POLRMT: variants seen among roughly 807,000 people sequenced by gnomAD.
The protein encoded by POLRMT is RNA polymerase mitochondrial, also known as DNA-directed RNA polymerase, mitochondrial.
POLRMT carries 114 observed loss-of-function variants against 132.2 expected under a neutral mutation model. The ratio of observed to expected loss-of-function variants is 0.86; its 90% CI spans 0.74 to 1.01. POLRMT has a LOEUF of 1.01. Ranked by LOEUF, POLRMT falls within the 50% of genes least tolerant of loss-of-function variation. The probability of loss-of-function intolerance (pLI) is 0.00; values close to 1 mark genes in which losing one functional copy is unlikely to be tolerated. For missense variants in POLRMT, 2,003 were observed against 1,729.1 expected (o/e 1.16, Z -2.81); for synonymous variants, 1,020 against 773.4 (o/e 1.32, Z -5.29).
chr19:617,992 C>T (rs1400039804), intron 17 of POLRMT, 143 bp from the exon 18 acceptor site: 3 of 683,422 alleles, frequency 4.4e-6, no homozygotes, highest in East Asian at 2.7e-5. Context: ...CCCCTCGCCC[C>T]GCCCCTCCCC....
intron 19 of POLRMT, 42 bp downstream of exon 19, chr19:617,528 T>TC (rs1984078694): frequency 1.8e-6 from 2 of 1,136,038 alleles, no homozygotes; most frequent in Non-Finnish European, 2.5e-6. Flanking sequence ...GGTTTTGGGG[T>TC]GGGGGGGGAA....
intron 10 of POLRMT, among the ~76,000 whole-genome samples, chr19:620,714 G>A (rs974948464): frequency 6.9e-6 from 1 of 145,530 alleles, no homozygotes; most frequent in African/African-American, 2.6e-5. Context: ...CGTGTCCGGA[G>A]CTGCCGGGGG....
Position 633,496 on chromosome 19 carries a change from C to A in POLRMT, c.17G>T (p.Trp6Leu). 6.9e-7 allele frequency: 1 copy of A among 1,445,298 alleles called. No homozygotes were observed. The highest frequency in any genetic ancestry group is 9.4e-7 in the Non-Finnish European group (1 of 1,058,292). The allele number at this position is 1,445,298 out of a possible 1,614,324, so 89.5% of individuals were successfully genotyped here. A position where few individuals can be genotyped will look rare whatever the true frequency, so the allele number is the denominator to read the frequency against. MSALC[W>L]GRGAAGLKRA... Reference sequence around the variant, plus strand: ...TTTGAGCCCCGCCGCTCCGCGGCCCCAGCAAAGTGCCGACATTACGCACGC... The same window carrying A: ...TTTGAGCCCCGCCGCTCCGCGGCCCAAGCAAAGTGCCGACATTACGCACGC... Residue 6 changes from tryptophan to leucine, a missense_variant, in exon 1 of 21, where the codon TGG becomes TTG. Coordinates refer to ENST00000588649, the MANE Select transcript of POLRMT (RefSeq NM_005035.4).
In POLRMT at chr19:629,770, C is replaced by T; in HGVS notation, c.592G>A (p.Ala198Thr). ...EEQLARLLQE[A>T]PGKLSLDVEQ... ...ACATCGAGGCTCAGCTTCCCAGGGG[C>T]CTCCTGCAGCAGCCGGGCCAGCTGC... is the stretch of plus-strand genomic sequence containing the variant. Residue 198 changes from alanine (A) to threonine (T), a missense_variant, in exon 3 of 21, where the codon GCC becomes ACC. Physicochemically the swap from Ala to Thr is moderately conservative, Grantham distance 58. Transcript: ENST00000588649. 1 of 1,568,378 alleles carries T rather than the reference C, an allele frequency of 6.4e-7. No individual in the cohort carries two copies. Among genetic ancestry groups the T allele is most frequent in the Non-Finnish European group, 8.6e-7 (1 of 1,158,314 alleles).
Position 622,834 on chromosome 19 carries a change from C to G in POLRMT, c.1442G>C (p.Arg481Pro), listed in dbSNP as rs146178977. The G allele has an allele frequency of 5.4e-4, 868 of 1,596,924 alleles. 3 individuals are homozygous for G. The African/African-American group carries it at 9.3e-3, about 17-fold the overall frequency. Residue 481 changes from arginine to proline, a missense_variant, in exon 7 of 21, where the codon CGG becomes CCG. Transcript: ENST00000588649. ...LCLLDEREVV[R>P]MLLQVLQALP... ...AGGAAGACGCACCTGCAGGAGCATC[C>G]GCACCACCTCGCGCTCGTCCAGCAG...
At chr19:620,333 A>G in intron 11 of POLRMT, 32 bp downstream of exon 11, 1 of 1,538,178 alleles carries the variant, frequency 6.5e-7, no homozygotes, top group Non-Finnish European at 8.8e-7. Flanking sequence ...TGCACACTGC[A>G]CGGCCTCGGG....
In POLRMT at chr19:617,821, C is replaced by A. The variant is rs777128308; in HGVS notation, c.3451G>T (p.Asp1151Tyr). Reference protein sequence around the residue: ...RKGLTFVSVHDCYWTHAADVS... With the variant: ...RKGLTFVSVHYCYWTHAADVS... The stretch of plus-strand genomic sequence containing the variant: ...TCAGCTGCGTGAGTCCAGTAACAGT[C>A]GTGCACAGAGACGAAGGTCAGGCCC... The change falls in exon 18 of 21, where the codon GAC (aspartate) becomes TAC (tyrosine). Residue 1151 changes from aspartate (D) to tyrosine (Y), a missense_variant. Coordinates refer to ENST00000588649, the MANE Select transcript of POLRMT (RefSeq NM_005035.4). 1 of 1,613,324 alleles carries A rather than the reference C, an allele frequency of 6.2e-7. No individual in the cohort carries two copies. Among genetic ancestry groups the A allele is most frequent in the South Asian group, 1.1e-5 (1 of 91,068 alleles).
At chr19:618,200 T>A in intron 17 of POLRMT, 1 of 545,240 alleles carries the variant, frequency 1.8e-6, no homozygotes, top group Non-Finnish European at 3.3e-6. Flanking sequence ...TGGAACGACC[T>A]CCACGTGCTC....
chr19:622,360 C>T lies in POLRMT; in HGVS notation c.1640G>A (p.Cys547Tyr). The T allele has an allele frequency of 1.9e-6, 3 of 1,551,106 alleles. No homozygotes were observed. The highest frequency in any genetic ancestry group is 2.4e-5 in the East Asian group (1 of 41,332). ...LASDAEVPEP[C>Y]LPRQYWEELG... Reference sequence around the variant, plus strand: ...CTCCTCCCAGTACTGCCGCGGCAGGCAGGGCTCGGGCACCTGTAGGACAGG... The same window carrying T: ...CTCCTCCCAGTACTGCCGCGGCAGGTAGGGCTCGGGCACCTGTAGGACAGG... The change falls in exon 9 of 21, where the codon TGC becomes TAC. Residue 547 changes from cysteine to tyrosine, a missense_variant. Cys to Tyr is a radical substitution (Grantham distance 194). Coordinates refer to ENST00000588649, the MANE Select transcript of POLRMT (RefSeq NM_005035.4).
rs778070543 is a variant in POLRMT at position 629,867 on chromosome 19, C to A, written c.495G>T (p.Arg165=). The part of the protein sequence containing the change: ...ALTRRLQVEP[R]LLSKQMAGCL... ...ACCCGGCCATCTGCTTGCTCAGGAGCCGGGGCTCCACCTGCAGGCGCCTGG... is the reference window on the plus strand; with the variant it reads ...ACCCGGCCATCTGCTTGCTCAGGAGACGGGGCTCCACCTGCAGGCGCCTGG... Residue 165 remains arginine, a synonymous_variant, in exon 3 of 21, where the codon CGG becomes CGT. Transcript: ENST00000588649. 21 of 1,609,676 alleles carry A rather than the reference C, an allele frequency of 1.3e-5. No homozygotes were observed. Among genetic ancestry groups the A allele is most frequent in the Non-Finnish European group, 1.8e-5 (21 of 1,178,334 alleles).
At chr19:618,671 C>A (rs370550113) in intron 16 of POLRMT, 34 bp downstream of exon 16, 6 of 1,604,326 alleles carry the variant, frequency 3.7e-6, no homozygotes, top group Non-Finnish European at 5.1e-6. Context: ...TCTCCAGACC[C>A]CCGGCCAGGC....
rs1252834675 is a variant in POLRMT, at chr19:624,892, T to C, written c.967A>G (p.Met323Val). ...AGTIERCLEQ[M>V]SQEGLKLQAL... ...TGCAGCTTCAGCCCCTCCTGGCTCA[T>C]CTGTTCCAGACACCTGTGGTGCAGG... Residue 323 changes from methionine to valine, a missense_variant, in exon 5 of 21, where the codon ATG (methionine) becomes GTG (valine). Transcript: ENST00000588649. The C allele has an allele frequency of 7.4e-6, 12 of 1,611,628 alleles. No homozygotes were observed. The Admixed American group carries it at 1.3e-4, about 18-fold the overall frequency.
chr19:617,458 T>G lies in POLRMT; in HGVS notation c.3604A>C (p.Ser1202Arg). The G allele has an allele frequency of 6.3e-7, 1 of 1,577,128 alleles. No individual in the cohort carries two copies. Among genetic ancestry groups the G allele is most frequent in the Non-Finnish European group, 8.6e-7 (1 of 1,160,380 alleles). Residue 1202 changes from serine to arginine, a missense_variant, in exon 20 of 21, where the codon AGC becomes CGC. By Grantham distance (110) the Ser-to-Arg change is moderately radical. Coordinates refer to ENST00000588649, the MANE Select transcript of POLRMT (RefSeq NM_005035.4). ...GCCTGCAGTGTCTCCTTCAGCTGGC[T>G]GGCCTCCAAGATCTTCTGGGGCCTG... The part of the protein sequence containing the change: ...CSEPQKILEA[S>R]QLKETLQAVP...
intron 2 of POLRMT, 65 bp downstream of exon 2, chr19:632,769 G>A (rs956612886): frequency 8.0e-6 from 11 of 1,369,246 alleles, no homozygotes; most frequent in Non-Finnish European, 8.9e-6. Flanking sequence ...CTGAGCCTTT[G>A]CCTTTTCTCC....
chr19:625,481 C>A (rs1313688148), intron 3 of POLRMT: 2 of 514,314 alleles, frequency 3.9e-6, no homozygotes, highest in South Asian at 3.1e-5. Context: ...GGGAGGTTCA[C>A]GTTCCTCTGG....
rs371959370 is a variant in POLRMT, at chr19:626,898, C to CACACACACACACACACATAT, written c.823-1645_823-1644insATATGTGTGTGTGTGTGTGT. ...CTGTCTTAAAATATACACACACACA[C>CACACACACACACACACATAT]ATATATATATATATATAAAATAACA... On this transcript the variant is annotated intron_variant, in intron 3 of 20. Transcript: ENST00000588649. Among the ~76,000 whole-genome samples the CACACACACACACACACATAT allele has an allele frequency of 2.5e-3, 360 of 146,720 alleles. 1 individual carries two copies. The highest frequency in any genetic ancestry group is 8.1e-3 in the African/African-American group (320 of 39,532).
At chr19:620,202 G>A (rs1170966738) in intron 11 of POLRMT, 122 bp from the exon 12 acceptor site, 3 of 1,468,278 alleles carry the variant, frequency 2.0e-6, no homozygotes, top group South Asian at 1.3e-5. Context: ...GTGCACCGGA[G>A]CCCCCGCACG....
intron 20 of POLRMT, 22 bp downstream of exon 20, chr19:617,397 G>C (rs372469207): frequency 8.1e-6 from 13 of 1,612,218 alleles, no homozygotes; most frequent in African/African-American, 2.7e-5. Context: ...AGCCACCCTT[G>C]CGAGGCTGCC....
intron 10 of POLRMT, 140 bp downstream of exon 10, chr19:620,913 GAAGAC>G: frequency 1.4e-5 from 2 of 138,130 alleles, no homozygotes; most frequent in South Asian, 3.8e-4. Flanking sequence ...AGGGGAGGAG[GAAGAC>G]GGGCAGGGGG....
Sources: allele counts gnomAD v4.1 joint callset (sites outside exome capture counted in the v4.1 genomes callset), GRCh38; gene constraint gnomAD v4.1.1; transcripts MANE v1.5; gene names NCBI Gene and HGNC (gene_info 2026-07-23, HGNC 2026-07-21).